Variants in ZBTB20 observed in about 807,000 individuals in gnomAD.
ZBTB20 encodes the protein zinc finger and BTB domain-containing protein 20.
A neutral mutation model predicts 56.9 loss-of-function variants in ZBTB20; 9 were observed. That is an observed-to-expected ratio of 0.16 (90% confidence interval 0.10 to 0.28). ZBTB20 has a LOEUF of 0.28. Ranked by LOEUF, ZBTB20 falls within the 10% of genes least tolerant of loss-of-function variation. The pLI, the probability that ZBTB20 is intolerant of heterozygous loss-of-function variation, is 1.00. For synonymous variants in ZBTB20, 417 were observed against 420.7 expected (o/e 0.99, Z 0.11); for missense variants, 655 against 1,003.0 (o/e 0.65, Z 4.69).
chr3:114,966,191 G>C (rs1267144338), intron 3 of ZBTB20, among the ~76,000 whole-genome samples: 1 of 151,914 alleles, frequency 6.6e-6, no homozygotes, highest in South Asian at 2.1e-4. Flanking sequence ...TCTTTGTAAC[G>C]GTATACTGAT....
At chr3:114,418,856 G>T (rs188376386) in intron 7 of ZBTB20, among the ~76,000 whole-genome samples, 3 of 152,020 alleles carry the variant, frequency 2.0e-5, no homozygotes, top group East Asian at 1.9e-4. Flanking sequence ...GCACATATTG[G>T]TTGCTGTGGA....
chr3:114,417,523 G>A (rs1329371787), intron 7 of ZBTB20, among the ~76,000 whole-genome samples: 1 of 152,038 alleles, frequency 6.6e-6, no homozygotes, highest in African/African-American at 2.4e-5. Context: ...AAAAACTCTG[G>A]AGAATAGTTT....
intron 4 of ZBTB20, among the ~76,000 whole-genome samples, chr3:114,811,974 T>C (rs954335614): frequency 2.6e-5 from 4 of 152,182 alleles, no homozygotes; most frequent in African/African-American, 9.7e-5. Flanking sequence ...CCTTCTGATG[T>C]TCGGATGTGT....
chr3:114,936,219 C>A (rs976457588), intron 3 of ZBTB20, among the ~76,000 whole-genome samples: 3 of 152,184 alleles, frequency 2.0e-5, no homozygotes, highest in Admixed American at 6.5e-5. Context: ...CTTCACCTCT[C>A]ATTGGAAAAA....
intron 5 of ZBTB20, among the ~76,000 whole-genome samples, chr3:114,706,733 A>C (rs2063740540): frequency 6.6e-6 from 1 of 152,218 alleles, no homozygotes; most frequent in African/African-American, 2.4e-5. Flanking sequence ...AAGCTCTTTG[A>C]GATTATTCAC....
intron 10 of ZBTB20, among the ~76,000 whole-genome samples, chr3:114,379,884 A>G (rs894465317): frequency 6.6e-6 from 1 of 152,300 alleles, no homozygotes; most frequent in African/African-American, 2.4e-5. Context: ...TGGTTGTTCA[A>G]TTTAGTAATT....
intron 7 of ZBTB20, among the ~76,000 whole-genome samples, chr3:114,447,522 C>G (rs1214544132): frequency 6.6e-6 from 1 of 152,156 alleles, no homozygotes; most frequent in Non-Finnish European, 1.5e-5. Flanking sequence ...AACTCCATTT[C>G]CCTTCCCACC....
At chr3:114,600,102 A>G (rs913651719) in intron 6 of ZBTB20, among the ~76,000 whole-genome samples, 1 of 152,102 alleles carries the variant, frequency 6.6e-6, no homozygotes, top group African/African-American at 2.4e-5. Flanking sequence ...TACAACTAAA[A>G]TAAAACACCA....
chr3:114,627,035 G>A (rs550779247), intron 6 of ZBTB20, among the ~76,000 whole-genome samples: 4 of 152,312 alleles, frequency 2.6e-5, no homozygotes, highest in East Asian at 1.9e-4. Context: ...AATAGTGGTT[G>A]TGGCAGGGAA....
intron 3 of ZBTB20, among the ~76,000 whole-genome samples, chr3:114,906,402 T>G (rs1055996803): frequency 6.6e-6 from 1 of 151,692 alleles, no homozygotes; most frequent in African/African-American, 2.4e-5. Context: ...GATGAAGGTA[T>G]AGTACCTAGA....
At chr3:114,507,525 A>G (rs958618983) in intron 6 of ZBTB20, among the ~76,000 whole-genome samples, 15 of 152,180 alleles carry the variant, frequency 9.9e-5, no homozygotes, top group Admixed American at 4.6e-4. Context: ...GCAAAATGAC[A>G]TTAAACCGTC....
intron 5 of ZBTB20, among the ~76,000 whole-genome samples, chr3:114,760,115 C>G (rs1210356240): frequency 1.3e-5 from 2 of 152,098 alleles, no homozygotes; most frequent in African/African-American, 4.8e-5. Flanking sequence ...GATTCACAAT[C>G]ACTTTAGGAA....
intron 10 of ZBTB20, among the ~76,000 whole-genome samples, chr3:114,370,954 C>T (rs2082933622): frequency 6.6e-6 from 1 of 152,310 alleles, no homozygotes; most frequent in Non-Finnish European, 1.5e-5. Context: ...ATCTGTTGCA[C>T]CTGGATCCTC....
chr3:114,783,928 C>A (rs976778057), intron 5 of ZBTB20, among the ~76,000 whole-genome samples: 1 of 151,814 alleles, frequency 6.6e-6, no homozygotes, highest in Non-Finnish European at 1.5e-5. Flanking sequence ...GTATATTGAA[C>A]AAAAACCACA....
rs193160006 is a variant in ZBTB20, at chr3:115,125,215, C to T, written c.-703+22004G>A. 1.8e-4 allele frequency among the ~76,000 whole-genome samples: 27 copies of T among 151,956 alleles called. 1 individual carries two copies. Among genetic ancestry groups the T allele is most frequent in the Admixed American group, 1.6e-3 (25 of 15,248 alleles). ...AAAATTAACTGAGCATGGTGGCATG[C>T]GCCTGTAGTCCCAGCTACGCAGGAG... On this transcript the variant is annotated intron_variant, in intron 1 of 11. Coordinates refer to ENST00000675478, the MANE Select transcript of ZBTB20 (RefSeq NM_001348800.3).
chr3:114,507,270 C>T (rs2044744833), intron 6 of ZBTB20, among the ~76,000 whole-genome samples: 1 of 152,110 alleles, frequency 6.6e-6, no homozygotes, highest in Non-Finnish European at 1.5e-5. Flanking sequence ...GTGGCTATTT[C>T]CACATCAGCA....
chr3:114,659,050 T>C (rs1053813113), intron 6 of ZBTB20, among the ~76,000 whole-genome samples: 2 of 152,224 alleles, frequency 1.3e-5, no homozygotes, highest in African/African-American at 4.8e-5. Context: ...CGTCAACCTC[T>C]ATGTATGCAT....
At chr3:114,534,680 A>G (rs1297300313) in intron 6 of ZBTB20, among the ~76,000 whole-genome samples, 1 of 152,180 alleles carries the variant, frequency 6.6e-6, no homozygotes, top group African/African-American at 2.4e-5. Context: ...AAATTAACAG[A>G]ATATACTTTC....
intron 10 of ZBTB20, among the ~76,000 whole-genome samples, chr3:114,369,150 A>G (rs2082724193): frequency 6.6e-6 from 1 of 152,156 alleles, no homozygotes; most frequent in Admixed American, 6.5e-5. Flanking sequence ...TTATATAGGG[A>G]AGAACGTGAT....
Sources: allele counts gnomAD v4.1 joint callset (sites outside exome capture counted in the v4.1 genomes callset), GRCh38; gene constraint gnomAD v4.1.1; transcripts MANE v1.5; gene names NCBI Gene and HGNC (gene_info 2026-07-23, HGNC 2026-07-21).